The following CERS2 variants were observed in gnomAD, a reference collection of about 807,000 sequenced individuals.
CERS2 encodes LAG1 homolog, ceramide synthase 2.
CERS2 carries 20 observed loss-of-function variants against 56.6 expected under a neutral mutation model. The ratio of observed to expected loss-of-function variants is 0.35; its 90% CI spans 0.25 to 0.51. CERS2 has a LOEUF of 0.51. CERS2 is among the 20% of genes least tolerant of loss of function. The pLI, the probability that CERS2 is intolerant of heterozygous loss-of-function variation, is 0.96. For synonymous variants in CERS2, 187 were observed against 175.4 expected (o/e 1.07, Z -0.52); for missense variants, 361 against 488.6 (o/e 0.74, Z 2.46).
chr1:150,966,648 A>T lies in CERS2; in HGVS notation c.849-19T>A. ...CAGGATCCTGAGGATTCAAGGAGAG[A>T]GAGAACGTGGACAAGAGCAGGTCAG... On this transcript the variant is annotated intron_variant, in intron 9 of 10. Coordinates refer to ENST00000368954, the MANE Select transcript of CERS2 (RefSeq NM_022075.5). 2 of 1,613,780 alleles carry T rather than the reference A, an allele frequency of 1.2e-6. No individual in the cohort carries two copies. The highest frequency in any genetic ancestry group is 1.7e-6 in the Non-Finnish European group (2 of 1,179,770).
rs587741716 is a variant in CERS2, at chr1:150,965,272, T to A, written c.*876A>T. 1 of 152,764 alleles carries A rather than the reference T, an allele frequency of 6.5e-6. No homozygotes were observed. The allele number at this position is 152,764 out of a possible 1,614,324, so 9.5% of individuals were successfully genotyped here. On this transcript the variant is annotated 3_prime_UTR_variant, in exon 11 of 11. Transcript: ENST00000368954. Reference sequence around the variant, plus strand: ...CTTATTGCCATGTTTTATTTAATATTTTTTATTTAATCTTTTAATTTTTAA... The same window carrying A: ...CTTATTGCCATGTTTTATTTAATATATTTTATTTAATCTTTTAATTTTTAA...
rs76805488 is a variant in CERS2 at position 150,967,832 on chromosome 1, G to A, written c.456C>T (p.Ala152=). Residue 152 remains alanine (A), a synonymous_variant, in exon 5 of 11, where the codon GCC becomes GCT. Transcript: ENST00000368954. Reference sequence around the variant, plus strand: ...AATCCCCACTCACATCCACAATGACGGCCATGCCGGCAATGAAGGCAATCA... The same window carrying A: ...AATCCCCACTCACATCCACAATGACAGCCATGCCGGCAATGAAGGCAATCA... ...FYLIAFIAGM[A]VIVDKPWFYD... is the part of the protein sequence containing the mutation. 17,862 of 1,613,552 alleles carry A rather than the reference G, an allele frequency of 0.011. 120 individuals are homozygous for A. Among genetic ancestry groups the A allele is most frequent in the Middle Eastern group, 0.013 (80 of 6,060 alleles).
At chr1:150,974,470 C>A in intron 1 of CERS2, 149 bp downstream of exon 1, 1 of 149,578 alleles carries the variant, frequency 6.7e-6, no homozygotes, top group South Asian at 1.8e-4. Flanking sequence ...CCGCCAGCGC[C>A]GCCTCCCTCC....
At position 150,968,984 on chromosome 1, in the gene CERS2, G is replaced by A. The variant is rs1387049760; in HGVS notation, c.107C>T (p.Ala36Val). 1.2e-6 allele frequency: 2 copies of A among 1,614,134 alleles called. No homozygotes were observed. The highest frequency in any genetic ancestry group is 1.7e-5 in the Admixed American group (1 of 60,020). The part of the protein sequence containing the change: ...EDRDGRVYAK[A>V]SDLYITLPLA... ...GGGCAGCGTGATATAGAGATCTGAG[G>A]CTTTGGCGTAGACACGTCCATCTCG... Residue 36 changes from alanine (A) to valine (V), a missense_variant, in exon 2 of 11, where the codon GCC (alanine) becomes GTC (valine). Coordinates refer to ENST00000368954, the MANE Select transcript of CERS2 (RefSeq NM_022075.5).
chr1:150,967,644 TGAG>T lies in CERS2; in HGVS notation c.519+17_519+19del. 1 of 1,604,488 alleles carries T rather than the reference TGAG, an allele frequency of 6.2e-7. No individual in the cohort carries two copies. The highest frequency in any genetic ancestry group is 8.5e-7 in the Non-Finnish European group (1 of 1,171,302). ...GGGTGTGTCTTAGTCCACCCCCACA[TGAG>T]GAAGCAGAACTCATACCTGTATGGG... On this transcript the variant is annotated intron_variant, in intron 6 of 10. Transcript: ENST00000368954.
chr1:150,967,678 C>T lies in CERS2; in HGVS notation c.505G>A (p.Gly169Arg). 1 of 1,613,644 alleles carries T rather than the reference C, an allele frequency of 6.2e-7. No individual in the cohort carries two copies. The highest frequency in any genetic ancestry group is 1.3e-5 in the African/African-American group (1 of 74,986). The change falls in exon 6 of 11, where the codon GGA (glycine) becomes AGA (arginine). Residue 169 changes from glycine (G) to arginine (R), a missense_variant. Transcript: ENST00000368954. ...AGAACTCATACCTGTATGGGATATCCCTCCCAAACTTTCTTCATGTCATAG... is the reference window on the plus strand; with the variant it reads ...AGAACTCATACCTGTATGGGATATCTCTCCCAAACTTTCTTCATGTCATAG... ...WFYDMKKVWE[G>R]YPIQSTIPSQ...
At chr1:150,970,921 C>T (rs931299410) in intron 1 of CERS2, among the ~76,000 whole-genome samples, 3 of 152,218 alleles carry the variant, frequency 2.0e-5, no homozygotes, top group South Asian at 4.1e-4. Context: ...TAAACCTCCT[C>T]CCCCAACTGA....
intron 8 of CERS2, 59 bp downstream of exon 8, chr1:150,967,015 A>C: frequency 6.2e-7 from 1 of 1,603,368 alleles, no homozygotes; most frequent in Non-Finnish European, 8.5e-7. Flanking sequence ...TCCCTCCCAA[A>C]GAAAACCAAA....
intron 10 of CERS2, 38 bp from the exon 11 acceptor site, chr1:150,966,326 C>G (rs765201542): frequency 3.7e-6 from 6 of 1,608,266 alleles, no homozygotes; most frequent in Non-Finnish European, 5.1e-6. Context: ...TACATGAGAT[C>G]CTCAAACCCC....
At chr1:150,971,874 C>T (rs1571678023) in intron 1 of CERS2, 1 of 471,082 alleles carries the variant, frequency 2.1e-6, no homozygotes, top group African/African-American at 2.0e-5. Flanking sequence ...TGGAGCCCAA[C>T]TTCTCCAGGG....
At chr1:150,968,654 C>T in intron 2 of CERS2, 142 bp from the exon 3 acceptor site, 1 of 751,316 alleles carries the variant, frequency 1.3e-6, no homozygotes, top group Non-Finnish European at 2.2e-6. Context: ...CCACAGCTGA[C>T]AAAGCTGCCT....
chr1:150,971,041 T>C lies in CERS2; in HGVS notation c.-1-1950A>G, dbSNP rs1006025867. On this transcript the variant is annotated intron_variant, in intron 1 of 10. Coordinates refer to ENST00000368954, the MANE Select transcript of CERS2 (RefSeq NM_022075.5). ...AGCAGCTGCTTGAAGCTGAGAGGAA[T>C]GGCAAGATGGTCCAGGAGAGCCAGG... Among the ~76,000 whole-genome samples, 31 of 152,034 alleles carry C rather than the reference T, an allele frequency of 2.0e-4. 1 individual carries two copies.
chr1:150,971,617 C>A lies in CERS2; in HGVS notation c.-1-2526G>T, dbSNP rs776510454. Among the ~76,000 whole-genome samples the A allele has an allele frequency of 3.5e-4, 53 of 152,034 alleles. 1 individual carries two copies. The highest frequency in any genetic ancestry group is 4.4e-5 in the Non-Finnish European group (3 of 68,024). On this transcript the variant is annotated intron_variant, in intron 1 of 10. Coordinates refer to ENST00000368954, the MANE Select transcript of CERS2 (RefSeq NM_022075.5). ...AAATATTTAATTAAACAGATGGAAG[C>A]CTTCTGAACTGAACAAAATTAAATG... is the stretch of plus-strand genomic sequence containing the variant.
At chr1:150,972,701 C>A (rs1336435384) in intron 1 of CERS2, among the ~76,000 whole-genome samples, 1 of 152,194 alleles carries the variant, frequency 6.6e-6, no homozygotes, top group Non-Finnish European at 1.5e-5. Flanking sequence ...CACACACCTG[C>A]CTTGGAGGCA....
intron 1 of CERS2, among the ~76,000 whole-genome samples, chr1:150,969,838 G>C (rs1671132735): frequency 2.0e-5 from 3 of 152,134 alleles, no homozygotes; most frequent in African/African-American, 7.2e-5. Flanking sequence ...AAAGCTTCCA[G>C]GGGGTGCCCC....
intron 1 of CERS2, among the ~76,000 whole-genome samples, chr1:150,971,682 CT>C (rs999929766): frequency 6.6e-6 from 1 of 152,190 alleles, no homozygotes; most frequent in Non-Finnish European, 1.5e-5. Context: ...CAAACACACA[CT>C]TTTTTCCTAG....
intron 7 of CERS2, 89 bp from the exon 8 acceptor site, chr1:150,967,291 C>T: frequency 6.8e-7 from 1 of 1,465,782 alleles, no homozygotes; most frequent in Non-Finnish European, 9.6e-7. Context: ...TCCCCATATA[C>T]CAACAGCTCC....
chr1:150,968,231 G>GT, intron 3 of CERS2, 30 bp from the exon 4 acceptor site: 1 of 1,599,100 alleles, frequency 6.3e-7, no homozygotes, highest in Non-Finnish European at 8.5e-7. Context: ...CCATTGTTAT[G>GT]TTTACCTTCG....
chr1:150,968,598 TC>T, intron 2 of CERS2, 86 bp from the exon 3 acceptor site: 1 of 1,071,196 alleles, frequency 9.3e-7, no homozygotes, highest in Non-Finnish European at 1.4e-6. Context: ...GGCCTCAGTT[TC>T]CCCAGCTTCC....
Sources: gnomAD v4.1 joint callset for allele counts (sites outside exome capture counted in the v4.1 genomes callset) on GRCh38, gnomAD v4.1.1 for gene constraint, MANE v1.5 for transcripts, NCBI Gene and HGNC (gene_info 2026-07-23, HGNC 2026-07-21) for gene names.